RARB: variants seen among roughly 807,000 people sequenced by gnomAD.
The protein encoded by RARB is HBV-activated protein.
A neutral mutation model predicts 51.9 loss-of-function variants in RARB; 17 were observed. That is an observed-to-expected ratio of 0.33 (90% confidence interval 0.22 to 0.49). RARB has a LOEUF of 0.49. Among genes scored for constraint, RARB ranks in the 20% least tolerant of loss-of-function variants. The probability of loss-of-function intolerance (pLI) is 0.99; values close to 1 mark genes in which losing one functional copy is unlikely to be tolerated. For missense variants in RARB, 369 were observed against 550.8 expected (o/e 0.67, Z 3.30); for synonymous variants, 215 against 195.4 (o/e 1.10, Z -0.84).
chr3:25,510,381 T>G (rs781242459), intron 3 of RARB, among the ~76,000 whole-genome samples: 3 of 152,178 alleles, frequency 2.0e-5, no homozygotes, highest in Non-Finnish European at 4.4e-5. Flanking sequence ...CCCAGCACTT[T>G]GGGAGGCTGA....
At chr3:25,575,199 G>A (rs1700876943) in intron 4 of RARB, among the ~76,000 whole-genome samples, 1 of 152,158 alleles carries the variant, frequency 6.6e-6, no homozygotes, top group African/African-American at 2.4e-5. Flanking sequence ...CTATGAGAAT[G>A]TAATGCCGCC....
chr3:25,587,072 G>T (rs985157554), intron 5 of RARB, among the ~76,000 whole-genome samples: 2 of 152,228 alleles, frequency 1.3e-5, no homozygotes, highest in African/African-American at 2.4e-5. Context: ...TGAACTTAGG[G>T]AAGCTAACTG....
Position 25,179,881 on chromosome 3 carries a change from C to T in RARB, c.178+5306C>T, listed in dbSNP as rs373574871. ...GAGTATAACATGTATTAAGTAATCA[C>T]ATTGCCATTAAAAGTAATGGCAAGA... is the stretch of plus-strand genomic sequence containing the variant. On this transcript the variant is annotated intron_variant, in intron 5 of 11. Transcript: ENST00000383772. Among the ~76,000 whole-genome samples the T allele has an allele frequency of 1.8e-4, 28 of 152,276 alleles. 1 individual carries two copies. The South Asian group carries it at 5.8e-3, about 32-fold the overall frequency.
chr3:25,143,605 GGTAGCCTCT>G (rs2125338009), intron 4 of RARB, among the ~76,000 whole-genome samples: 1 of 152,232 alleles, frequency 6.6e-6, no homozygotes, highest in Non-Finnish European at 1.5e-5. Context: ...ACGGTGCCCT[GGTAGCCTCT>G]GTAGGTCTTT....
At chr3:24,897,833 C>T (rs1008337402) in intron 2 of RARB, among the ~76,000 whole-genome samples, 1 of 151,526 alleles carries the variant, frequency 6.6e-6, no homozygotes, top group Non-Finnish European at 1.5e-5. Context: ...TGCCGGACAT[C>T]TAAGAAACTT....
At chr3:25,256,276 C>T (rs1702863013) in intron 5 of RARB, among the ~76,000 whole-genome samples, 1 of 152,118 alleles carries the variant, frequency 6.6e-6, no homozygotes, top group South Asian at 2.1e-4. Flanking sequence ...TAATCTCCAT[C>T]AGAGAAAGGA....
intron 2 of RARB, among the ~76,000 whole-genome samples, chr3:25,034,633 A>G (rs556403430): frequency 2.0e-5 from 3 of 152,314 alleles, no homozygotes; most frequent in South Asian, 2.1e-4. Context: ...AACATCTGCC[A>G]TCTTCTATGC....
intron 2 of RARB, among the ~76,000 whole-genome samples, chr3:24,955,552 C>T (rs187308165): frequency 6.1e-4 from 93 of 152,320 alleles, no homozygotes; most frequent in African/African-American, 1.9e-3. Context: ...AAAGTTTCCC[C>T]TTTGTCCTCT....
At chr3:24,851,360 C>T (rs536881806) in intron 1 of RARB, among the ~76,000 whole-genome samples, 1 of 149,800 alleles carries the variant, frequency 6.7e-6, no homozygotes, top group Non-Finnish European at 1.5e-5. Context: ...CTGGGGAAGT[C>T]AAGGCTGCAG....
At chr3:24,884,113 G>A (rs924953119) in intron 2 of RARB, among the ~76,000 whole-genome samples, 2 of 152,130 alleles carry the variant, frequency 1.3e-5, no homozygotes, top group South Asian at 2.1e-4. Context: ...TTCAAAAAAT[G>A]TAACAGCTCC....
intron 3 of RARB, among the ~76,000 whole-genome samples, chr3:25,079,155 A>G (rs1698938002): frequency 1.3e-5 from 2 of 152,052 alleles, no homozygotes; most frequent in African/African-American, 4.8e-5. Flanking sequence ...TCTTGTCAAC[A>G]GTATTGTATT....
intron 5 of RARB, among the ~76,000 whole-genome samples, chr3:25,336,055 C>T (rs1370538039): frequency 6.7e-6 from 1 of 149,880 alleles, no homozygotes; most frequent in Non-Finnish European, 1.5e-5. Context: ...CAGAAGACAC[C>T]CCCACTGGGG....
At chr3:25,031,039 A>T (rs1697863096) in intron 2 of RARB, among the ~76,000 whole-genome samples, 1 of 152,060 alleles carries the variant, frequency 6.6e-6, no homozygotes, top group Admixed American at 6.6e-5. Flanking sequence ...TTAATTTAGC[A>T]CTACTGACAT....
intron 4 of RARB, among the ~76,000 whole-genome samples, chr3:25,146,429 T>C (rs1408427003): frequency 6.6e-6 from 1 of 150,536 alleles, no homozygotes; most frequent in Non-Finnish European, 1.5e-5. Context: ...TATATCCCAA[T>C]AAAAATTAAT....
intron 2 of RARB, among the ~76,000 whole-genome samples, chr3:25,039,551 G>T (rs1326218053): frequency 6.6e-6 from 1 of 152,132 alleles, no homozygotes; most frequent in African/African-American, 2.4e-5. Flanking sequence ...ACATTCGAGT[G>T]GGGCATGGGC....
chr3:25,427,877 G>C (rs1011502944), upstream of RARB, among the ~76,000 whole-genome samples: 14 of 152,242 alleles, frequency 9.2e-5, no homozygotes, highest in Admixed American at 9.2e-4. Context: ...GGGCTGGGGG[G>C]CGAGGCGGTG....
upstream of RARB, among the ~76,000 whole-genome samples, chr3:25,426,279 G>C (rs539603629): frequency 5.9e-5 from 9 of 152,274 alleles, no homozygotes; most frequent in South Asian, 1.9e-3. Context: ...GTTACAAAAT[G>C]ATGGCCATAT....
Position 25,354,406 on chromosome 3 carries a change from G to A in RARB, c.179-106787G>A, listed in dbSNP as rs537641697. On this transcript the variant is annotated intron_variant, in intron 5 of 11. Coordinates refer to the RARB transcript ENST00000383772. Reference sequence around the variant, plus strand: ...TCCTGTCTGGAATTTCCTCTTGGGGGTGGTCTGTTCTTCTCGTTTCTAAAA... The same window carrying A: ...TCCTGTCTGGAATTTCCTCTTGGGGATGGTCTGTTCTTCTCGTTTCTAAAA... Among the ~76,000 whole-genome samples the A allele has an allele frequency of 2.4e-4, 36 of 152,244 alleles. 1 individual carries two copies. In the South Asian group the frequency reaches 7.3e-3, roughly 31 times the overall value.
chr3:25,353,299 T>A (rs1276533993), intron 5 of RARB, among the ~76,000 whole-genome samples: 1 of 152,146 alleles, frequency 6.6e-6, no homozygotes, highest in Non-Finnish European at 1.5e-5. Context: ...ACCTGCTGAA[T>A]TAATTTTATA....
Sources: gnomAD v4.1 joint callset for allele counts (sites outside exome capture counted in the v4.1 genomes callset) on GRCh38, gnomAD v4.1.1 for gene constraint, MANE v1.5 for transcripts, NCBI Gene and HGNC (gene_info 2026-07-23, HGNC 2026-07-21) for gene names.